The following INVS variants were observed in gnomAD, a reference collection of about 807,000 sequenced individuals.
INVS encodes the protein inversion of embryo turning homolog.
Under a neutral mutation model 108.8 loss-of-function variants are expected in INVS, and 86 were observed. The observed-to-expected ratio is 0.79, with a 90% confidence interval of 0.66 to 0.95. INVS has a LOEUF of 0.95. Ranked by LOEUF, INVS falls within the 40% of genes least tolerant of loss-of-function variation. The pLI, the probability that INVS is intolerant of heterozygous loss-of-function variation, is 0.00. For synonymous variants in INVS, 455 were observed against 473.5 expected, an observed-to-expected ratio of 0.96 and a Z score of 0.51; for missense variants, 1,169 against 1,297.4, an observed-to-expected ratio of 0.90 and a Z score of 1.52.
intron 3 of INVS, among the ~76,000 whole-genome samples, chr9:100,182,521 GA>G (rs757374824): frequency 2.0e-5 from 3 of 152,016 alleles, no homozygotes; most frequent in African/African-American, 7.2e-5. Flanking sequence ...ACAAACACAT[GA>G]AAAAAAGCTC....
Position 100,154,167 on chromosome 9 carries a change from GTTGTTT to G in INVS, c.273+27628_273+27633del, listed in dbSNP as rs903185145. ...GCTTGAAAGCAAATGCACTTTTTTTGTTGTTTTTGTTTTTGAGACAGGATCTCACTC... is the reference window on the plus strand; with the variant it reads ...GCTTGAAAGCAAATGCACTTTTTTTGTTGTTTTTGAGACAGGATCTCACTC... On this transcript the variant is annotated intron_variant, in intron 3 of 16. Coordinates refer to ENST00000262457, the MANE Select transcript of INVS (RefSeq NM_014425.5). Among the ~76,000 whole-genome samples, 27 of 151,704 alleles carry G rather than the reference GTTGTTT, an allele frequency of 1.8e-4. No individual in the cohort carries two copies. In the South Asian group the frequency reaches 3.3e-3, roughly 19 times the overall value.
intron 8 of INVS, among the ~76,000 whole-genome samples, chr9:100,249,485 G>T (rs1214327306): frequency 6.6e-6 from 1 of 151,846 alleles, no homozygotes; most frequent in African/African-American, 2.4e-5. Context: ...ATGACTATTT[G>T]AATTTATTTT....
At chr9:100,146,546 T>C (rs772279459) in intron 3 of INVS, among the ~76,000 whole-genome samples, 7 of 152,196 alleles carry the variant, frequency 4.6e-5, no homozygotes, top group Non-Finnish European at 8.8e-5. Flanking sequence ...TTTTTTTCAC[T>C]TAGGATAATG....
intron 3 of INVS, among the ~76,000 whole-genome samples, chr9:100,194,732 G>A (rs1301003007): frequency 6.6e-6 from 1 of 152,108 alleles, no homozygotes; most frequent in Non-Finnish European, 1.5e-5. Context: ...TTGAGCTAAA[G>A]AATACAGGAA....
chr9:100,114,168 A>T (rs1258944755), intron 2 of INVS, among the ~76,000 whole-genome samples: 2 of 152,168 alleles, frequency 1.3e-5, no homozygotes, highest in Non-Finnish European at 2.9e-5. Flanking sequence ...ATTTTGAGAA[A>T]TATATAATCA....
chr9:100,114,391 C>CTTTT (rs67549379), intron 2 of INVS, among the ~76,000 whole-genome samples: 91 of 64,878 alleles, frequency 1.4e-3, no homozygotes, highest in Non-Finnish European at 1.9e-3. Flanking sequence ...AGATTTCTTT[C>CTTTT]TTTTTTTTTT....
rs796220833 is a variant in INVS at position 100,117,309 on chromosome 9, C to A, written c.107-9074C>A. 7.4e-5 allele frequency: 54 copies of A among 728,870 alleles called. No homozygotes were observed. The African/African-American group carries it at 8.4e-4, about 11-fold the overall frequency. 45.2% of individuals were successfully genotyped at this position (728,870 alleles called of 1,614,324 possible). ...CGGGTCTGCTTCTGCACCGGCGTAA[C>A]CTTCAAAATCTCGTCCTTGAGAGAG... is the stretch of plus-strand genomic sequence containing the variant. On this transcript the variant is annotated intron_variant, in intron 2 of 16. Coordinates refer to ENST00000262457, the MANE Select transcript of INVS (RefSeq NM_014425.5).
intron 10 of INVS, 112 bp downstream of exon 10, chr9:100,253,248 A>T: frequency 1.3e-6 from 1 of 777,452 alleles, no homozygotes; most frequent in Non-Finnish European, 2.2e-6. Flanking sequence ...TCACCCACAA[A>T]TCCATCTGTT....
chr9:100,299,976 G>A (rs948090200), intron 16 of INVS, among the ~76,000 whole-genome samples: 10 of 152,134 alleles, frequency 6.6e-5, no homozygotes, highest in African/African-American at 2.4e-4. Context: ...TTGCTTATAT[G>A]CTCCATAAAA....
chr9:100,163,672 G>T (rs921639557), intron 3 of INVS, among the ~76,000 whole-genome samples: 5 of 152,120 alleles, frequency 3.3e-5, no homozygotes, highest in Non-Finnish European at 4.4e-5. Context: ...GGTGATCAGG[G>T]TAGACCTCAC....
chr9:100,265,525 A>G (rs1055884275), intron 11 of INVS, among the ~76,000 whole-genome samples: 3 of 152,222 alleles, frequency 2.0e-5, no homozygotes, highest in Non-Finnish European at 4.4e-5. Flanking sequence ...TCTGGCTAAC[A>G]TAACGTCAGT....
At chr9:100,131,842 T>C in intron 3 of INVS, 1 of 701,116 alleles carries the variant, frequency 1.4e-6, no homozygotes, top group Admixed American at 6.3e-5. Context: ...TCTCAGTTCA[T>C]CTATGAAAAT....
chr9:100,196,370 A>T (rs1481876081), intron 3 of INVS, among the ~76,000 whole-genome samples: 1 of 152,166 alleles, frequency 6.6e-6, no homozygotes, highest in African/African-American at 2.4e-5. Flanking sequence ...GGAGTTTCTG[A>T]TAAACAACTC....
chr9:100,178,715 C>G (rs1394268706), intron 3 of INVS, among the ~76,000 whole-genome samples: 6 of 152,196 alleles, frequency 3.9e-5, no homozygotes, highest in African/African-American at 1.4e-4. Context: ...GGAAAACACT[C>G]TTCAGGATAT....
intron 6 of INVS, among the ~76,000 whole-genome samples, chr9:100,240,944 G>A (rs16919015): frequency 0.17 from 26,087 of 151,954 alleles, 3,339 homozygotes; most frequent in African/African-American, 0.37. Flanking sequence ...GGAGGGTTTA[G>A]GAGTGGCTAC....
At chr9:100,253,748 C>CT (rs1306699220) in intron 10 of INVS, among the ~76,000 whole-genome samples, 3 of 151,836 alleles carry the variant, frequency 2.0e-5, no homozygotes, top group Admixed American at 6.6e-5. Flanking sequence ...ATGAACTCAT[C>CT]TTTTTTTTGT....
intron 3 of INVS, among the ~76,000 whole-genome samples, chr9:100,183,522 G>A (rs1313004828): frequency 6.6e-6 from 1 of 152,182 alleles, no homozygotes; most frequent in Non-Finnish European, 1.5e-5. Flanking sequence ...GTCGGGCACA[G>A]TGGCTTACGC....
intron 7 of INVS, among the ~76,000 whole-genome samples, 164 bp downstream of exon 7, chr9:100,242,843 C>G (rs946028236): frequency 6.6e-6 from 1 of 152,054 alleles, no homozygotes; most frequent in African/African-American, 2.4e-5. Context: ...TTCCAATAAG[C>G]TTTTTGCACT....
chr9:100,262,911 T>C (rs1832675177), intron 10 of INVS, among the ~76,000 whole-genome samples: 1 of 152,030 alleles, frequency 6.6e-6, no homozygotes, highest in Admixed American at 6.6e-5. Flanking sequence ...CACACCTGGC[T>C]AAATTTTTTG....
Sources: allele counts gnomAD v4.1 joint callset (sites outside exome capture counted in the v4.1 genomes callset), GRCh38; gene constraint gnomAD v4.1.1; transcripts MANE v1.5; gene names NCBI Gene and HGNC (gene_info 2026-07-23, HGNC 2026-07-21).